Variants in ABLIM2 observed in about 807,000 individuals in gnomAD.
The protein encoded by ABLIM2 is actin binding LIM protein family member 2, also known as actin-binding LIM protein 2.
A neutral mutation model predicts 97.7 loss-of-function variants in ABLIM2; 53 were observed. That is an observed-to-expected ratio of 0.54 (90% confidence interval 0.44 to 0.68). The LOEUF (loss-of-function observed/expected upper bound fraction) is 0.68, where lower values mean the gene tolerates loss of function less well. ABLIM2 is among the 30% of genes least tolerant of loss of function. The probability of loss-of-function intolerance (pLI) is 0.00; values close to 1 mark genes in which losing one functional copy is unlikely to be tolerated. For synonymous variants in ABLIM2, 361 were observed against 345.8 expected, an observed-to-expected ratio of 1.04 and a Z score of -0.49; for missense variants, 835 against 867.2, an observed-to-expected ratio of 0.96 and a Z score of 0.47.
chr4:8,008,877 A>G (rs542655377), intron 15 of ABLIM2, among the ~76,000 whole-genome samples, 173 bp downstream of exon 15: 1 of 152,282 alleles, frequency 6.6e-6, no homozygotes, highest in East Asian at 1.9e-4. Flanking sequence ...AGACGTGTGC[A>G]TCCTAAATGT....
At chr4:8,013,786 G>C (rs1042094540) in intron 14 of ABLIM2, among the ~76,000 whole-genome samples, 1 of 152,232 alleles carries the variant, frequency 6.6e-6, no homozygotes, top group Non-Finnish European at 1.5e-5. Flanking sequence ...GCTGAAGAGA[G>C]ATGCTTCCAG....
chr4:8,070,691 T>C (rs1403543838), intron 6 of ABLIM2, among the ~76,000 whole-genome samples: 1 of 151,974 alleles, frequency 6.6e-6, no homozygotes, highest in Non-Finnish European at 1.5e-5. Context: ...GTCACCTGCG[T>C]CTCTGTGAAC....
intron 1 of ABLIM2, among the ~76,000 whole-genome samples, chr4:8,129,331 G>A (rs1849021851): frequency 2.0e-5 from 3 of 152,280 alleles, no homozygotes; most frequent in South Asian, 2.1e-4. Context: ...GCACCCCATC[G>A]TAGGATGCAT....
At chr4:8,077,607 G>A (rs1361607101) in intron 6 of ABLIM2, 21 bp downstream of exon 6, 2 of 1,587,786 alleles carry the variant, frequency 1.3e-6, no homozygotes, top group South Asian at 1.1e-5. Context: ...AGCGGGCAGG[G>A]GCCCGGCCCG....
chr4:8,062,740 G>T (rs921916973), intron 6 of ABLIM2, among the ~76,000 whole-genome samples: 4 of 151,880 alleles, frequency 2.6e-5, no homozygotes. Context: ...CGCCCGGCCT[G>T]GTCTGAGTAG....
chr4:8,128,165 C>A lies in ABLIM2; in HGVS notation c.11-21528G>T, dbSNP rs1848734709. The stretch of plus-strand genomic sequence containing the variant: ...TTCAGGGCTCCTGTTTCTGCCCCCA[C>A]CTTCACAGGCCGTCTTCCCTGTGTG... On this transcript the variant is annotated intron_variant, in intron 1 of 20. Transcript: ENST00000447017. This position sits in a 1 kb window ranked among gnomAD's most constrained non-coding sequence, Gnocchi z 4.9. Among the ~76,000 whole-genome samples the A allele has an allele frequency of 6.6e-6, 1 of 152,152 alleles. No individual in the cohort carries two copies. Among genetic ancestry groups the A allele is most frequent in the Admixed American group, 6.5e-5 (1 of 15,288 alleles).
intron 1 of ABLIM2, among the ~76,000 whole-genome samples, chr4:8,136,571 C>A (rs988926956): frequency 6.6e-6 from 1 of 152,246 alleles, no homozygotes; most frequent in Non-Finnish European, 1.5e-5. Context: ...TTCTGCACCC[C>A]ACGTGGCTGA....
At chr4:8,012,294 A>C (rs1476006895) in intron 14 of ABLIM2, among the ~76,000 whole-genome samples, 2 of 149,590 alleles carry the variant, frequency 1.3e-5, no homozygotes, top group African/African-American at 5.0e-5. Context: ...CTAACCATCC[A>C]TCCACCCATC....
chr4:8,100,130 A>G (rs1179064199), intron 2 of ABLIM2, among the ~76,000 whole-genome samples: 1 of 152,148 alleles, frequency 6.6e-6, no homozygotes, highest in African/African-American at 2.4e-5. Flanking sequence ...TTTCTGGAAT[A>G]TCATTTGGCA....
chr4:8,147,720 A>T lies in ABLIM2; in HGVS notation c.10+10960T>A, dbSNP rs911854149. Among the ~76,000 whole-genome samples, 3 of 152,160 alleles carry T rather than the reference A, an allele frequency of 2.0e-5. No individual in the cohort carries two copies. The highest frequency in any genetic ancestry group is 2.1e-4 in the South Asian group (1 of 4,826). ...TGAGCCTCCCCTGAGCCCCCGAGGG[A>T]GCTGCCAGCGCCGTTTAGCCTCGGA... is the stretch of plus-strand genomic sequence containing the variant. On this transcript the variant is annotated intron_variant, in intron 1 of 20. Transcript: ENST00000447017. The surrounding 1 kb of genome is among the most constrained non-coding windows in gnomAD (Gnocchi z 5.3).
intron 14 of ABLIM2, among the ~76,000 whole-genome samples, chr4:8,018,780 T>C (rs943493432): frequency 3.9e-5 from 6 of 152,218 alleles, no homozygotes; most frequent in Non-Finnish European, 2.9e-5. Context: ...TGGAAATGCC[T>C]TTTCCCATCG....
intron 3 of ABLIM2, among the ~76,000 whole-genome samples, chr4:8,089,030 A>C (rs1383348124): frequency 6.6e-6 from 1 of 152,214 alleles, no homozygotes; most frequent in Non-Finnish European, 1.5e-5. Flanking sequence ...ATTTTGCTCT[A>C]AATGGATTTT....
chr4:8,117,631 T>TCCACCCACTTTTCCTCTGGCCC lies in ABLIM2; in HGVS notation c.11-11016_11-10995dup, dbSNP rs530451268. The stretch of plus-strand genomic sequence containing the variant: ...TCCTTCCTCTCAGCCTTGCCTGGGA[T>TCCACCCACTTTTCCTCTGGCCC]CCACCCACTTTTCCTCTGGCCCCAA... On this transcript the variant is annotated intron_variant, in intron 1 of 20. Transcript: ENST00000447017. 7.2e-3 allele frequency among the ~76,000 whole-genome samples: 1,092 copies of TCCACCCACTTTTCCTCTGGCCC among 152,206 alleles called. 7 individuals are homozygous for TCCACCCACTTTTCCTCTGGCCC. Among genetic ancestry groups the TCCACCCACTTTTCCTCTGGCCC allele is most frequent in the Middle Eastern group, 0.014 (4 of 294 alleles).
Position 8,002,813 on chromosome 4 carries a change from C to T in ABLIM2, c.1618+5246G>A, listed in dbSNP as rs995928790. On this transcript the variant is annotated intron_variant, in intron 16 of 20. Transcript: ENST00000447017. This position sits in a 1 kb window ranked among gnomAD's most constrained non-coding sequence, Gnocchi z 6.1. ...TTCCAACCCACGGCCCGGCCTCCGC[C>T]CTGGGTGATGCGGAATGCTCTCCCC... is the stretch of plus-strand genomic sequence containing the variant. 2.0e-5 allele frequency among the ~76,000 whole-genome samples: 3 copies of T among 152,218 alleles called. No homozygotes were observed. Among genetic ancestry groups the T allele is most frequent in the Admixed American group, 6.5e-5 (1 of 15,284 alleles).
In ABLIM2 at chr4:8,054,316, G is replaced by C; in HGVS notation, c.764-70C>G. ...ATGTTGCAGGGGCCTGTGTGGAAAC[G>C]CAGAGGAGGGAGCTGGTCCATGCAC... On this transcript the variant is annotated intron_variant, in intron 7 of 20. Transcript: ENST00000447017. The surrounding 1 kb of genome is among the most constrained non-coding windows in gnomAD (Gnocchi z 4.9). 1 of 1,527,174 alleles carries C rather than the reference G, an allele frequency of 6.5e-7. No homozygotes were observed. Among genetic ancestry groups the C allele is most frequent in the Admixed American group, 1.7e-5 (1 of 58,270 alleles). The allele number at this position is 1,527,174 out of a possible 1,614,324, so 94.6% of individuals were successfully genotyped here. A position where few individuals can be genotyped will look rare whatever the true frequency, so the allele number is the denominator to read the frequency against.
Position 8,043,199 on chromosome 4 carries a change from G to A in ABLIM2, c.900+1965C>T, listed in dbSNP as rs184586681. On this transcript the variant is annotated intron_variant, in intron 9 of 20. Transcript: ENST00000447017. The surrounding 1 kb of genome is among the most constrained non-coding windows in gnomAD (Gnocchi z 4.8). ...GTCCTCCCTGGGTCTTTGGACCTGC[G>A]TCCCTGAAGGCTCCTGTGTCACCTA... 5.3e-5 allele frequency among the ~76,000 whole-genome samples: 8 copies of A among 152,202 alleles called. No homozygotes were observed. Among genetic ancestry groups the A allele is most frequent in the Admixed American group, 6.5e-5 (1 of 15,276 alleles).
chr4:8,111,110 G>A (rs532874083), intron 1 of ABLIM2, among the ~76,000 whole-genome samples: 2 of 152,338 alleles, frequency 1.3e-5, no homozygotes, highest in African/African-American at 2.4e-5. Flanking sequence ...CCTTCAGCAG[G>A]TGAATGGATA....
chr4:8,046,496 A>G lies in ABLIM2; in HGVS notation c.823-1255T>C, dbSNP rs746315523. ...CTCAGCAGCCAAGAGCTCAGCCCTCACTCTCCCCACGGCCCCCACGTCCTC... is the reference window on the plus strand; with the variant it reads ...CTCAGCAGCCAAGAGCTCAGCCCTCGCTCTCCCCACGGCCCCCACGTCCTC... On this transcript the variant is annotated intron_variant, in intron 8 of 20. Coordinates refer to ENST00000447017, the MANE Select transcript of ABLIM2 (RefSeq NM_001130083.2). The surrounding 1 kb of genome is among the most constrained non-coding windows in gnomAD (Gnocchi z 4.4). 6.7e-6 allele frequency among the ~76,000 whole-genome samples: 1 copy of G among 149,742 alleles called. No individual in the cohort carries two copies. Among genetic ancestry groups the G allele is most frequent in the Non-Finnish European group, 1.5e-5 (1 of 67,362 alleles).
rs879021913 is a variant in ABLIM2, at chr4:8,127,731, G to A, written c.11-21094C>T. 2.0e-5 allele frequency: 20 copies of A among 984,066 alleles called. No homozygotes were observed. In the African/African-American group the frequency reaches 2.3e-4, roughly 11 times the overall value. The allele number at this position is 984,066 out of a possible 1,614,324, so 61.0% of individuals were successfully genotyped here. A position where few individuals can be genotyped will look rare whatever the true frequency, so the allele number is the denominator to read the frequency against. On this transcript the variant is annotated intron_variant, in intron 1 of 20. Coordinates refer to ENST00000447017, the MANE Select transcript of ABLIM2 (RefSeq NM_001130083.2). This position sits in a 1 kb window ranked among gnomAD's most constrained non-coding sequence, Gnocchi z 7.3. ...ACGTGGCAGCTGCCACCCTCTGCCC[G>A]GGGAGGGGCAGAGCCAAGCCCTTCC...
Sources: allele counts gnomAD v4.1 joint callset (sites outside exome capture counted in the v4.1 genomes callset), GRCh38; gene constraint gnomAD v4.1.1; non-coding constraint Gnocchi (gnomAD v3.1); transcripts MANE v1.5; gene names NCBI Gene and HGNC (gene_info 2026-07-23, HGNC 2026-07-21).